KANK1: variants seen among roughly 807,000 people sequenced by gnomAD.
KANK1 encodes the protein KN motif and ankyrin repeat domains 1.
A neutral mutation model predicts 106.2 loss-of-function variants in KANK1; 109 were observed. That is an observed-to-expected ratio of 1.03 (90% CI 0.88 to 1.20). The LOEUF is 1.20. Among genes scored for constraint, KANK1 ranks in the 50% most tolerant of loss-of-function variants. The probability of loss-of-function intolerance (pLI) is 0.00; values close to 1 mark genes in which losing one functional copy is unlikely to be tolerated. For synonymous variants in KANK1, 873 were observed against 652.2 expected (o/e 1.34, Z -5.16); for missense variants, 2,399 against 1,710.7 (o/e 1.40, Z -7.10).
chr9:740,882 G>A lies in KANK1; in HGVS notation c.3644G>A (p.Arg1215Gln), dbSNP rs780088270. 42 of 1,614,038 alleles carry A rather than the reference G, an allele frequency of 2.6e-5. No individual in the cohort carries two copies. In the East Asian group the frequency reaches 4.5e-4, roughly 17 times the overall value. Residue 1215 changes from arginine to glutamine, a missense_variant, in exon 9 of 12, where the codon CGG (arginine) becomes CAG (glutamine). Arg to Gln is a conservative substitution (Grantham distance 43). Coordinates refer to ENST00000382297, the MANE Select transcript of KANK1 (RefSeq NM_015158.5). ...GCTGTGGAAGCAGAGAAGGACATGC[G>A]GATTGTGGAAGAACTCTTCGGCTGT... is the stretch of plus-strand genomic sequence containing the variant. Reference protein sequence around the residue: ...LAAVEAEKDMRIVEELFGCGD... With the variant: ...LAAVEAEKDMQIVEELFGCGD...
intron 1 of KANK1, among the ~76,000 whole-genome samples, chr9:571,421 C>G (rs1361102977): frequency 6.6e-6 from 1 of 152,050 alleles, no homozygotes; most frequent in Non-Finnish European, 1.5e-5. Context: ...AACACCTACA[C>G]TGGAAAAATA....
intron 3 of KANK1, among the ~76,000 whole-genome samples, chr9:725,496 C>CAAAAA (rs34245303): frequency 0.012 from 1,345 of 116,730 alleles, 28 homozygotes; most frequent in African/African-American, 0.044. Flanking sequence ...GACTCTGTCT[C>CAAAAA]AAAAAAAAAA....
chr9:579,885 C>T (rs912387231), intron 1 of KANK1, among the ~76,000 whole-genome samples: 5 of 152,094 alleles, frequency 3.3e-5, no homozygotes, highest in Admixed American at 3.3e-4. Flanking sequence ...GTGAATCAGT[C>T]CTGGATTGTG....
chr9:531,534 A>G (rs1395591179), intron 1 of KANK1, among the ~76,000 whole-genome samples: 2 of 152,242 alleles, frequency 1.3e-5, no homozygotes, highest in African/African-American at 4.8e-5. Flanking sequence ...TAGGTCAACA[A>G]TTGCAAAGCA....
intron 1 of KANK1, among the ~76,000 whole-genome samples, chr9:545,798 C>T (rs915292248): frequency 4.2e-5 from 6 of 142,478 alleles, no homozygotes; most frequent in East Asian, 4.2e-4. Flanking sequence ...CAGGATGGAG[C>T]GCAGTGACTC....
At chr9:510,669 C>G (rs1170127067) in intron 1 of KANK1, among the ~76,000 whole-genome samples, 3 of 152,200 alleles carry the variant, frequency 2.0e-5, no homozygotes, top group African/African-American at 7.2e-5. Context: ...GGCTTCCTTA[C>G]TATTCTTTTT....
At chr9:503,699 G>A (rs2058611700), upstream of KANK1, among the ~76,000 whole-genome samples, 1 of 152,076 alleles carries the variant, frequency 6.6e-6, no homozygotes, top group South Asian at 2.1e-4. Context: ...AGTAATACCT[G>A]GTTTTTATAA....
At position 610,854 on chromosome 9, in the gene KANK1, A is replaced by T. The variant is rs931878013; in HGVS notation, c.-83-66036A>T. ...TCATGTTTGTGGTTATTTTTCTGGGAACTGAGACTGGGCAAAGGGAAAGAG... is the reference window on the plus strand; with the variant it reads ...TCATGTTTGTGGTTATTTTTCTGGGTACTGAGACTGGGCAAAGGGAAAGAG... On this transcript the variant is annotated intron_variant, in intron 1 of 11. Transcript: ENST00000382297. Among the ~76,000 whole-genome samples the T allele has an allele frequency of 7.9e-5, 12 of 152,298 alleles. 1 individual carries two copies. The highest frequency in any genetic ancestry group is 2.9e-4 in the African/African-American group (12 of 41,560).
chr9:738,579 A>C, intron 8 of KANK1, 75 bp downstream of exon 8: 1 of 1,172,340 alleles, frequency 8.5e-7, no homozygotes, highest in South Asian at 1.3e-5. Context: ...AACCTGGTTG[A>C]GCCACTCCTG....
chr9:601,875 C>G (rs1195155592), intron 1 of KANK1, among the ~76,000 whole-genome samples: 1 of 151,786 alleles, frequency 6.6e-6, no homozygotes, highest in Non-Finnish European at 1.5e-5. Flanking sequence ...GGTCCTTTTA[C>G]TGGACAATGG....
intron 1 of KANK1, among the ~76,000 whole-genome samples, chr9:610,304 A>G (rs1217678804): frequency 6.6e-6 from 1 of 152,236 alleles, no homozygotes; most frequent in East Asian, 1.9e-4. Flanking sequence ...ATGAAAAAAC[A>G]TTCTCACTGA....
At chr9:480,464 C>G (rs1008475259) in intron 3 of KANK1, among the ~76,000 whole-genome samples, 4 of 152,170 alleles carry the variant, frequency 2.6e-5, no homozygotes, top group African/African-American at 9.6e-5. Flanking sequence ...TTCTAAGTGA[C>G]ATGTCCTCTG....
chr9:628,788 A>C (rs12338965), intron 1 of KANK1, among the ~76,000 whole-genome samples: 23,642 of 151,974 alleles, frequency 0.16, 2,018 homozygotes, highest in Admixed American at 0.18. Context: ...TGTTCAGTTT[A>C]CCATCTTGGG....
chr9:715,590 C>T lies in KANK1; in HGVS notation c.2698+2126C>T, dbSNP rs748463763. Among the ~76,000 whole-genome samples, 9 of 152,328 alleles carry T rather than the reference C, an allele frequency of 5.9e-5. No homozygotes were observed. In the East Asian group the frequency reaches 1.7e-3, roughly 29 times the overall value. ...CCAGTCACACTGACATGCCACACAT[C>T]ACTGGTTAGATCCAACCCTGCTAAC... On this transcript the variant is annotated intron_variant, in intron 3 of 11. Coordinates refer to ENST00000382297, the MANE Select transcript of KANK1 (RefSeq NM_015158.5).
intron 1 of KANK1, chr9:549,533 G>A (rs1382916966): frequency 6.6e-6 from 1 of 152,196 alleles, no homozygotes; most frequent in Non-Finnish European, 1.5e-5. Flanking sequence ...CAGTCCTTAG[G>A]GAGGACAGTT....
intron 1 of KANK1, among the ~76,000 whole-genome samples, chr9:537,443 C>A (rs934976798): frequency 1.3e-5 from 2 of 152,140 alleles, no homozygotes; most frequent in African/African-American, 4.8e-5. Context: ...AATTTTTCAA[C>A]AAGCCACAGG....
upstream of KANK1, among the ~76,000 whole-genome samples, chr9:503,096 C>T (rs1288502606): frequency 2.0e-5 from 3 of 150,444 alleles, no homozygotes; most frequent in Admixed American, 6.6e-5. Context: ...GTCTCGGCCT[C>T]CCAAAGTGTG....
rs1205173765 is a variant in KANK1, at chr9:608,012, AATTATTATT to A, written c.-83-68862_-83-68854del. On this transcript the variant is annotated intron_variant, in intron 1 of 11. Transcript: ENST00000382297. The stretch of plus-strand genomic sequence containing the variant: ...GAAGGAAAGACTAAAAAACTTTCAG[AATTATTATT>A]ATTATTATTATTATTTTTTTTTTTT... Among the ~76,000 whole-genome samples, 39 of 123,330 alleles carry A rather than the reference AATTATTATT, an allele frequency of 3.2e-4. 1 individual carries two copies. The highest frequency in any genetic ancestry group is 7.8e-4 in the South Asian group (3 of 3,840). 80.9% of individuals were successfully genotyped at this position (123,330 alleles called of 152,430 possible). A position where few individuals can be genotyped will look rare whatever the true frequency, so the allele number is the denominator to read the frequency against.
intron 1 of KANK1, among the ~76,000 whole-genome samples, chr9:589,188 ACACAGCTGTGAAGGAG>A (rs371041175): frequency 3.3e-5 from 5 of 152,202 alleles, no homozygotes; most frequent in Admixed American, 2.0e-4. Flanking sequence ...GATCCTCACA[ACACAGCTGTGAAGGAG>A]ATGGAGCGGG....
Sources: allele counts gnomAD v4.1 joint callset (sites outside exome capture counted in the v4.1 genomes callset), GRCh38; gene constraint gnomAD v4.1.1; transcripts MANE v1.5; gene names NCBI Gene and HGNC (gene_info 2026-07-23, HGNC 2026-07-21).